KRT73: variants seen among roughly 807,000 people sequenced by gnomAD.
KRT73 encodes the protein keratin 73, also known as keratin, type II cytoskeletal 73.
A neutral mutation model predicts 47.2 loss-of-function variants in KRT73; 44 were observed. That is an observed-to-expected ratio of 0.93 (90% CI 0.73 to 1.20). The LOEUF is 1.20. Ranked by LOEUF, KRT73 falls within the 50% of genes most tolerant of loss-of-function variation. The pLI is 0.00. For synonymous variants in KRT73, 285 were observed against 291.3 expected (o/e 0.98, Z 0.22); for missense variants, 713 against 704.5 (o/e 1.01, Z -0.14).
At position 52,618,149 on chromosome 12, in the gene KRT73, G is replaced by A; in HGVS notation, c.376C>T (p.Gln126Ter). Residue 126 changes from glutamine to a stop codon, truncating the protein, a stop_gained, in exon 1 of 9, where the codon CAG (glutamine) becomes TAG (stop). Transcript: ENST00000305748. LOFTEE classifies it high-confidence loss of function. The part of the protein sequence containing the change: ...PLNVELDPEI[Q>*]KVRAQEREQI... ...TCCCGCTCCTGGGCACGCACTTTCT[G>A]GATTTCAGGGTCCAGCTCCACGTTC... 1.2e-6 allele frequency: 2 copies of A among 1,613,952 alleles called. No homozygotes were observed. Among genetic ancestry groups the A allele is most frequent in the African/African-American group, 2.7e-5 (2 of 75,042 alleles).
chr12:52,614,282 C>A (rs774241132), intron 4 of KRT73: 73 of 384,198 alleles, frequency 1.9e-4, no homozygotes, highest in Non-Finnish European at 3.0e-4. Flanking sequence ...CAGGAAACAT[C>A]CCCAGCCACA....
At chr12:52,627,456 C>T in the KRT73 span, among the ~76,000 whole-genome samples, 4 of 152,142 alleles carry the variant, frequency 2.6e-5, no homozygotes, top group Admixed American at 2.0e-4. Flanking sequence ...CCTTGCTGCT[C>T]AAAACAGAGC....
intron 6 of KRT73, 112 bp from the exon 7 acceptor site, chr12:52,610,947 G>A (rs1370908966): frequency 9.7e-7 from 1 of 1,025,772 alleles, no homozygotes; most frequent in African/African-American, 1.6e-5. Context: ...TCCTGGAGCA[G>A]AGACCCAGCC....
Position 52,618,451 on chromosome 12 carries a change from G to A in KRT73, c.74C>T (p.Ser25Leu), listed in dbSNP as rs745497162. ...TCGGTAGGAGGATGAGCTGCCCCCT[G>A]AGAGCACAGCGGAGCAGCCGCTGAA... ...GGFSGCSAVL[S>L]GGSSSSYRAG... Residue 25 changes from serine to leucine, a missense_variant, in exon 1 of 9, where the codon TCA (serine) becomes TTA (leucine). By Grantham distance (145) the Ser-to-Leu change is moderately radical. Transcript: ENST00000305748. 6.2e-7 allele frequency: 1 copy of A among 1,613,986 alleles called. No individual in the cohort carries two copies. The highest frequency in any genetic ancestry group is 1.1e-5 in the South Asian group (1 of 91,064).
chr12:52,619,115 C>G (rs1940865693), upstream of KRT73, among the ~76,000 whole-genome samples: 1 of 152,264 alleles, frequency 6.6e-6, no homozygotes, highest in African/African-American at 2.4e-5. Flanking sequence ...TGCCAGCCCC[C>G]TGCTGTGCCC....
At chr12:52,608,488 T>A in intron 8 of KRT73, 36 bp from the exon 9 acceptor site, 1 of 1,549,706 alleles carries the variant, frequency 6.5e-7, no homozygotes, top group Non-Finnish European at 8.7e-7. Flanking sequence ...TCAGTGTATA[T>A]CCCAGGACAG....
upstream of KRT73, among the ~76,000 whole-genome samples, chr12:52,620,978 A>G (rs142146102): frequency 6.6e-6 from 1 of 152,268 alleles, no homozygotes; most frequent in East Asian, 1.9e-4. Flanking sequence ...CTCACTTCCC[A>G]GAACTCCAGT....
At chr12:52,626,270 T>G in the KRT73 span, among the ~76,000 whole-genome samples, 1 of 152,160 alleles carries the variant, frequency 6.6e-6, no homozygotes, top group Non-Finnish European at 1.5e-5. Flanking sequence ...GCACAGAAGG[T>G]TAAGTTACTT....
rs1461699479 is a variant in KRT73 at position 52,618,395 on chromosome 12, T to A, written c.130A>T (p.Ser44Cys). 1 of 1,614,058 alleles carries A rather than the reference T, an allele frequency of 6.2e-7. No individual in the cohort carries two copies. Among genetic ancestry groups the A allele is most frequent in the Non-Finnish European group, 8.5e-7 (1 of 1,180,042 alleles). The change falls in exon 1 of 9, where the codon AGC (serine) becomes TGC (cysteine). Residue 44 changes from serine (S) to cysteine (C), a missense_variant. Coordinates refer to ENST00000305748, the MANE Select transcript of KRT73 (RefSeq NM_175068.3). ...CCCAGGCTGTAAAGGCTCCGACTGC[T>A]GAAGCCTCCACTGAGCCCTTTGCCC... is the stretch of plus-strand genomic sequence containing the variant. ...AGGKGLSGGF[S>C]SRSLYSLGGA... is the part of the protein sequence containing the mutation.
the KRT73 span, among the ~76,000 whole-genome samples, chr12:52,624,856 T>G: frequency 6.6e-6 from 1 of 152,104 alleles, no homozygotes; most frequent in Non-Finnish European, 1.5e-5. Context: ...TCAACTAGTT[T>G]CTGACAGAGT....
At chr12:52,616,488 C>G (rs746971413) in intron 1 of KRT73, 108 bp from the exon 2 acceptor site, 70 of 1,400,460 alleles carry the variant, frequency 5.0e-5, no homozygotes, top group Non-Finnish European at 6.6e-5. Context: ...TAAAAATGAG[C>G]CTCAGCCCTT....
chr12:52,616,433 T>A, intron 1 of KRT73, 53 bp from the exon 2 acceptor site: 2 of 1,597,934 alleles, frequency 1.3e-6, no homozygotes, highest in Non-Finnish European at 1.7e-6. Flanking sequence ...ATGTGAGAAT[T>A]CCCTTCCTGG....
chr12:52,614,058 A>C, intron 4 of KRT73: 2 of 624,378 alleles, frequency 3.2e-6, no homozygotes, highest in East Asian at 3.0e-5. Context: ...CAGCCCAGGA[A>C]GAAAACAGCC....
chr12:52,614,179 T>C (rs1438334445), intron 4 of KRT73: 2 of 333,786 alleles, frequency 6.0e-6, no homozygotes, highest in African/African-American at 4.2e-5. Context: ...GCTTGGCCAA[T>C]AGGTTGAGGC....
chr12:52,615,189 T>G, intron 3 of KRT73, 90 bp downstream of exon 3: 1 of 1,156,708 alleles, frequency 8.6e-7, no homozygotes, highest in Non-Finnish European at 1.3e-6. Flanking sequence ...TCCAGGCCCT[T>G]CTGCGGGGGG....
chr12:52,616,108 C>T (rs1940806315), intron 2 of KRT73, 58 bp downstream of exon 2: 2 of 1,591,830 alleles, frequency 1.3e-6, no homozygotes, highest in Middle Eastern at 1.7e-4. Flanking sequence ...CATCCCAGTG[C>T]CTGCTGGGAA....
chr12:52,618,864 G>A (rs1032305443), upstream of KRT73, among the ~76,000 whole-genome samples: 1 of 152,222 alleles, frequency 6.6e-6, no homozygotes, highest in African/African-American at 2.4e-5. Context: ...CCAGGGAGTG[G>A]TGGGGCCTGG....
In KRT73 at chr12:52,618,470, CGCTGAAGCCCCCCTTGGCAGCA is replaced by C. The variant is rs775169443; in HGVS notation, c.33_54del (p.Lys14ProfsTer97). 4 of 1,612,738 alleles carry C rather than the reference CGCTGAAGCCCCCCTTGGCAGCA, an allele frequency of 2.5e-6. No individual in the cohort carries two copies. Among genetic ancestry groups the C allele is most frequent in the Non-Finnish European group, 3.4e-6 (4 of 1,179,434 alleles). On this transcript the variant is annotated frameshift_variant, in exon 1 of 9. Transcript: ENST00000305748. LOFTEE classifies it high-confidence loss of function. The stretch of plus-strand genomic sequence containing the variant: ...CCCCCTGAGAGCACAGCGGAGCAGC[CGCTGAAGCCCCCCTTGGCAGCA>C]GCTCCCGACTTGTAGGTGAATTGGC...
chr12:52,625,361 T>C, the KRT73 span, among the ~76,000 whole-genome samples: 1 of 152,174 alleles, frequency 6.6e-6, no homozygotes, highest in Non-Finnish European at 1.5e-5. Flanking sequence ...CACTGAATAG[T>C]TCATACCGAT....
Sources: gnomAD v4.1 joint callset for allele counts (sites outside exome capture counted in the v4.1 genomes callset) on GRCh38, gnomAD v4.1.1 for gene constraint, MANE v1.5 for transcripts, NCBI Gene and HGNC (gene_info 2026-07-23, HGNC 2026-07-21) for gene names.